Variants in UPRT observed in about 807,000 individuals in gnomAD.
UPRT encodes uracil phosphoribosyltransferase homolog.
In UPRT, 5 loss-of-function variants were observed where a neutral mutation model predicts 22.6. The observed-to-expected ratio is 0.22, with a 90% CI of 0.12 to 0.47. UPRT has a LOEUF of 0.47. UPRT is among the 20% of genes least tolerant of loss of function. UPRT has a pLI of 0.99. For synonymous variants in UPRT, 77 were observed against 87.7 expected, an observed-to-expected ratio of 0.88 and a Z score of 0.68; for missense variants, 181 against 239.9, an observed-to-expected ratio of 0.75 and a Z score of 1.62.
intron 2 of UPRT, among the ~76,000 whole-genome samples, chrX:75,295,118 A>G (rs1322129370): frequency 9.0e-6 from 1 of 110,513 alleles, no homozygotes; most frequent in Non-Finnish European, 1.9e-5. Context: ...TTTCTAGTAC[A>G]CTATCTCCTG....
At chrX:75,302,553 T>G (rs928467084) in intron 6 of UPRT, among the ~76,000 whole-genome samples, 12 of 111,670 alleles carry the variant, frequency 1.1e-4, no homozygotes, top group African/African-American at 3.9e-4. Flanking sequence ...ATTTTTTACA[T>G]TTTTACATTT....
intron 4 of UPRT, among the ~76,000 whole-genome samples, chrX:75,211,758 C>G (rs1377644926): frequency 9.0e-6 from 1 of 111,383 alleles, no homozygotes; most frequent in Non-Finnish European, 1.9e-5. Context: ...AATCCCCATC[C>G]CAGGTTTTGG....
intron 4 of UPRT, among the ~76,000 whole-genome samples, chrX:75,249,279 T>C (rs936334983): frequency 9.0e-6 from 1 of 110,786 alleles, no homozygotes; most frequent in Non-Finnish European, 1.9e-5. Context: ...GGATAAAGAG[T>C]CAAGACCCAT....
chrX:75,193,315 G>A (rs919912624), intron 4 of UPRT, among the ~76,000 whole-genome samples: 1 of 112,159 alleles, frequency 8.9e-6, no homozygotes, highest in Admixed American at 9.4e-5. Flanking sequence ...GCTCTGTAGG[G>A]TTTCTGCTGA....
At chrX:75,301,176 T>C (rs2082743103) in intron 6 of UPRT, among the ~76,000 whole-genome samples, 3 of 112,393 alleles carry the variant, frequency 2.7e-5, no homozygotes, top group Non-Finnish European at 1.9e-5. Flanking sequence ...TGGAGAAGTA[T>C]GAACTAACCC....
At chrX:75,271,219 T>C (rs186051082), upstream of UPRT, among the ~76,000 whole-genome samples, 126 of 112,139 alleles carry the variant, frequency 1.1e-3, no homozygotes, top group African/African-American at 3.9e-3. Context: ...AGAATAAATC[T>C]GGAGGCATCA....
intron 4 of UPRT, among the ~76,000 whole-genome samples, chrX:75,223,362 G>A (rs189553069): frequency 1.8e-5 from 2 of 111,004 alleles, no homozygotes; most frequent in African/African-American, 3.3e-5. Flanking sequence ...TGTCACACTA[G>A]GCCATGTGCC....
intron 4 of UPRT, among the ~76,000 whole-genome samples, chrX:75,246,287 A>T (rs1569273311): frequency 1.2e-5 from 1 of 82,138 alleles, no homozygotes; most frequent in Non-Finnish European, 2.2e-5. Context: ...TCGGTGTGTG[A>T]TGTTCCCCTT....
chrX:75,299,913 T>A lies in UPRT; in HGVS notation c.724+17T>A. The A allele has an allele frequency of 8.3e-7, 1 of 1,205,171 alleles. No individual in the cohort carries two copies. Among genetic ancestry groups the A allele is most frequent in the Admixed American group, 2.2e-5 (1 of 45,581 alleles). The stretch of plus-strand genomic sequence containing the variant: ...CAATTCTCAGTGAGTGGCTTCCATT[T>A]GTTTGTAACCTTTGGTTAGGGTTTA... On this transcript the variant is annotated intron_variant, in intron 5 of 6. Coordinates refer to ENST00000373383, the MANE Select transcript of UPRT (RefSeq NM_145052.4).
intron 4 of UPRT, among the ~76,000 whole-genome samples, chrX:75,225,126 A>C (rs2082420012): frequency 9.0e-6 from 1 of 110,905 alleles, no homozygotes; most frequent in African/African-American, 3.3e-5. Context: ...GGAAAGGGCT[A>C]TTGGGTCCCC....
intron 2 of UPRT, among the ~76,000 whole-genome samples, chrX:75,161,984 A>T (rs1451368888): frequency 8.9e-6 from 1 of 111,779 alleles, no homozygotes; most frequent in Non-Finnish European, 1.9e-5. Context: ...GTGGGACCCC[A>T]TGTAGATGGC....
At chrX:75,242,553 G>A (rs776809501) in intron 4 of UPRT, among the ~76,000 whole-genome samples, 103 of 110,262 alleles carry the variant, frequency 9.3e-4, no homozygotes, top group Non-Finnish European at 4.9e-4. Context: ...CCATATCGAC[G>A]TGATCAAACT....
At chrX:75,263,637 TA>T (rs2082576641) in intron 4 of UPRT, among the ~76,000 whole-genome samples, 1 of 110,076 alleles carries the variant, frequency 9.1e-6, no homozygotes, top group African/African-American at 3.3e-5. Context: ...GCTAGCAGTC[TA>T]TCAATTTTGT....
chrX:75,168,268 A>T (rs751414080), intron 4 of UPRT, among the ~76,000 whole-genome samples: 4 of 111,683 alleles, frequency 3.6e-5, no homozygotes, highest in Non-Finnish European at 7.5e-5. Context: ...CACCCCATTA[A>T]ACTTGTATCA....
At chrX:75,282,623 G>A (rs757433045) in intron 1 of UPRT, among the ~76,000 whole-genome samples, 1 of 111,843 alleles carries the variant, frequency 8.9e-6, no homozygotes, top group Non-Finnish European at 1.9e-5. Flanking sequence ...TTATTCCACT[G>A]CGGTCTGAGA....
intron 4 of UPRT, among the ~76,000 whole-genome samples, chrX:75,240,566 C>A (rs756703343): frequency 2.7e-5 from 3 of 111,465 alleles, no homozygotes; most frequent in African/African-American, 9.7e-5. Context: ...CTTCACAGAG[C>A]TAGCAACAAC....
intron 4 of UPRT, among the ~76,000 whole-genome samples, chrX:75,245,882 A>G (rs971409529): frequency 1.8e-5 from 2 of 111,390 alleles, no homozygotes; most frequent in African/African-American, 3.3e-5. Context: ...CTGTATATCA[A>G]CCCATGTGAC....
exon 1 of UPRT, chrX:75,156,410 T>G: frequency 1.4e-6 from 1 of 701,503 alleles, no homozygotes; most frequent in Non-Finnish European, 2.2e-6. Context: ...AAGATTCGGA[T>G]GCATTCGCAC....
intron 5 of UPRT, 72 bp from the exon 6 acceptor site, chrX:75,300,795 C>A: frequency 1.1e-6 from 1 of 907,016 alleles, no homozygotes; most frequent in Non-Finnish European, 1.5e-6. Context: ...CCCCCTCCCC[C>A]AAAAAAAGAA....
Sources: gnomAD v4.1 joint callset for allele counts (sites outside exome capture counted in the v4.1 genomes callset) on GRCh38, gnomAD v4.1.1 for gene constraint, MANE v1.5 for transcripts, NCBI Gene and HGNC (gene_info 2026-07-23, HGNC 2026-07-21) for gene names.